DLG2: variants seen among roughly 807,000 people sequenced by gnomAD.
DLG2 encodes discs large MAGUK scaffold protein 2.
Under a neutral mutation model 132.5 loss-of-function variants are expected in DLG2, and 45 were observed. That is an observed-to-expected ratio of 0.34 (90% confidence interval 0.27 to 0.44). The LOEUF (loss-of-function observed/expected upper bound fraction) is 0.44. Ranked by LOEUF, DLG2 falls within the 20% of genes least tolerant of loss-of-function variation. The pLI is 1.00. For missense variants in DLG2, 1,045 were observed against 1,196.9 expected (o/e 0.87, Z 1.87); for synonymous variants, 424 against 419.6 (o/e 1.01, Z -0.13).
intron 21 of DLG2, among the ~76,000 whole-genome samples, chr11:83,520,500 C>T (rs1291153942): frequency 6.6e-6 from 1 of 152,260 alleles, no homozygotes; most frequent in Non-Finnish European, 1.5e-5. Context: ...ATTGCTCATG[C>T]TTTCACATTA....
chr11:85,506,538 T>G (rs1455705525), intron 3 of DLG2, among the ~76,000 whole-genome samples: 1 of 149,752 alleles, frequency 6.7e-6, no homozygotes, highest in Non-Finnish European at 1.5e-5. Context: ...TGAGTAAGTT[T>G]CTTAATCCTG....
intron 3 of DLG2, among the ~76,000 whole-genome samples, chr11:85,303,742 A>C (rs973987953): frequency 3.9e-5 from 6 of 152,202 alleles, no homozygotes; most frequent in African/African-American, 1.4e-4. Flanking sequence ...TTAACTAGCT[A>C]TCTGGCCTTA....
intron 9 of DLG2, among the ~76,000 whole-genome samples, chr11:84,155,835 A>T (rs2095417446): frequency 6.6e-6 from 1 of 152,162 alleles, no homozygotes; most frequent in African/African-American, 2.4e-5. Context: ...ACATCCATGG[A>T]TGCCTTAAAT....
At chr11:83,720,826 C>A (rs543853652) in intron 18 of DLG2, 1 of 150,216 alleles carries the variant, frequency 6.7e-6, no homozygotes, top group South Asian at 2.1e-4. Flanking sequence ...CTGCTGCTCA[C>A]CAGGTCTGAA....
chr11:84,037,164 G>A (rs906424331), intron 11 of DLG2, among the ~76,000 whole-genome samples: 13 of 152,092 alleles, frequency 8.5e-5, no homozygotes, highest in Admixed American at 6.6e-4. Flanking sequence ...TGCAAATGTG[G>A]AGTCTGAAAT....
intron 19 of DLG2, among the ~76,000 whole-genome samples, chr11:83,603,398 A>G (rs1167726564): frequency 1.3e-5 from 2 of 152,192 alleles, no homozygotes; most frequent in African/African-American, 4.8e-5. Flanking sequence ...TATTCATTGT[A>G]TAAATATAAC....
chr11:84,217,189 T>C (rs2096847054), intron 8 of DLG2, among the ~76,000 whole-genome samples: 1 of 152,204 alleles, frequency 6.6e-6, no homozygotes, highest in Admixed American at 6.5e-5. Flanking sequence ...AAGCCAGAAA[T>C]AAGGTGTCAG....
intron 5 of DLG2, among the ~76,000 whole-genome samples, chr11:85,119,252 G>T (rs547180564): frequency 3.3e-5 from 5 of 152,004 alleles, no homozygotes; most frequent in South Asian, 2.1e-4. Context: ...AACCGATTCT[G>T]CAGTCTGGGA....
chr11:84,931,969 CT>C lies in DLG2; in HGVS notation c.357+179691del, dbSNP rs531149459. Reference sequence around the variant, plus strand: ...GCCCACTTTTTAATGGGGCTGTTTGCTTTTTTTCTTGTAAATTTGTTTAAGC... The same window carrying C: ...GCCCACTTTTTAATGGGGCTGTTTGCTTTTTTCTTGTAAATTTGTTTAAGC... On this transcript the variant is annotated intron_variant, in intron 6 of 27. Coordinates refer to ENST00000376104, the MANE Select transcript of DLG2 (RefSeq NM_001142699.3). Among the ~76,000 whole-genome samples, 53 of 152,038 alleles carry C rather than the reference CT, an allele frequency of 3.5e-4. 1 individual carries two copies. In the South Asian group the frequency reaches 9.6e-3, roughly 27 times the overall value.
chr11:85,195,863 G>A (rs1384829357), intron 4 of DLG2, among the ~76,000 whole-genome samples: 1 of 151,852 alleles, frequency 6.6e-6, no homozygotes, highest in Admixed American at 6.6e-5. Flanking sequence ...CTGGAAATAG[G>A]GACTTAACTA....
At chr11:83,802,079 C>CT (rs1567017560) in intron 17 of DLG2, among the ~76,000 whole-genome samples, 4 of 148,554 alleles carry the variant, frequency 2.7e-5, no homozygotes, top group South Asian at 2.1e-4. Flanking sequence ...TTTTTTTTTT[C>CT]TTTTTTTGAG....
intron 3 of DLG2, among the ~76,000 whole-genome samples, chr11:85,430,432 G>C (rs561250515): frequency 8.6e-5 from 13 of 151,702 alleles, no homozygotes; most frequent in African/African-American, 2.9e-4. Flanking sequence ...TAAAAAATTA[G>C]GAAAAAATCT....
intron 9 of DLG2, among the ~76,000 whole-genome samples, chr11:84,141,352 TA>T (rs2094837253): frequency 6.6e-6 from 1 of 151,734 alleles, no homozygotes; most frequent in Non-Finnish European, 1.5e-5. Flanking sequence ...ACATACTTAT[TA>T]AAAAGTATGT....
At chr11:85,368,485 C>A (rs2084720780) in intron 3 of DLG2, among the ~76,000 whole-genome samples, 2 of 152,232 alleles carry the variant, frequency 1.3e-5, no homozygotes, top group Non-Finnish European at 1.5e-5. Flanking sequence ...AATTGCCTCA[C>A]CACCTCCACT....
chr11:84,757,762 T>C (rs2067078359), intron 6 of DLG2, among the ~76,000 whole-genome samples: 1 of 152,202 alleles, frequency 6.6e-6, no homozygotes, highest in Non-Finnish European at 1.5e-5. Flanking sequence ...TTCCAAATCC[T>C]GTATGTTTCC....
intron 15 of DLG2, among the ~76,000 whole-genome samples, chr11:83,915,053 G>A (rs757375096): frequency 1.5e-4 from 23 of 152,200 alleles, no homozygotes; most frequent in African/African-American, 5.5e-4. Flanking sequence ...TGAGATGCAA[G>A]CACAACAGTG....
At chr11:84,399,772 A>T (rs2098823248) in intron 7 of DLG2, among the ~76,000 whole-genome samples, 1 of 152,122 alleles carries the variant, frequency 6.6e-6, no homozygotes, top group Non-Finnish European at 1.5e-5. Context: ...AAGACATTGG[A>T]CTATTTTTGT....
intron 6 of DLG2, among the ~76,000 whole-genome samples, chr11:84,566,804 A>C (rs1394776527): frequency 6.6e-6 from 1 of 152,202 alleles, no homozygotes; most frequent in Non-Finnish European, 1.5e-5. Context: ...AGTGGATTGC[A>C]GGATAAATTT....
intron 4 of DLG2, among the ~76,000 whole-genome samples, chr11:85,250,601 A>G (rs1449151703): frequency 6.6e-6 from 1 of 152,186 alleles, no homozygotes; most frequent in African/African-American, 2.4e-5. Context: ...AATTGTATGT[A>G]GCTTCTGCTA....
Sources: gnomAD v4.1 joint callset for allele counts (sites outside exome capture counted in the v4.1 genomes callset) on GRCh38, gnomAD v4.1.1 for gene constraint, MANE v1.5 for transcripts, NCBI Gene and HGNC (gene_info 2026-07-23, HGNC 2026-07-21) for gene names.